The following KCNA6 variants were observed in gnomAD, a reference collection of about 807,000 sequenced individuals.
KCNA6 encodes human brain potassium channel-2.
Under a neutral mutation model 29.5 loss-of-function variants are expected in KCNA6, and 17 were observed. That is an observed-to-expected ratio of 0.58 (90% CI 0.39 to 0.86). The LOEUF is 0.86. Ranked by LOEUF, KCNA6 falls within the 40% of genes least tolerant of loss-of-function variation. The pLI is 0.00. For synonymous variants in KCNA6, 296 were observed against 304.7 expected, an observed-to-expected ratio of 0.97 and a Z score of 0.30; for missense variants, 450 against 703.4, an observed-to-expected ratio of 0.64 and a Z score of 4.07.
the KCNA6 span, among the ~76,000 whole-genome samples, chr12:4,837,288 A>G: frequency 6.6e-6 from 1 of 151,862 alleles, no homozygotes; most frequent in Non-Finnish European, 1.5e-5. Flanking sequence ...TGCCCTGTAC[A>G]TCTCTTCATC....
chr12:4,831,645 G>A, the KCNA6 span, among the ~76,000 whole-genome samples: 1 of 152,144 alleles, frequency 6.6e-6, no homozygotes, highest in Admixed American at 6.5e-5. Context: ...AAGGCCACGT[G>A]GCTACTATGA....
At chr12:4,825,043 A>G in the KCNA6 span, among the ~76,000 whole-genome samples, 3 of 152,234 alleles carry the variant, frequency 2.0e-5, no homozygotes, top group Admixed American at 2.0e-4. Flanking sequence ...CCAGAGAAAG[A>G]GAATCCATAA....
chr12:4,840,748 C>T, the KCNA6 span, among the ~76,000 whole-genome samples: 10 of 152,312 alleles, frequency 6.6e-5, no homozygotes, highest in South Asian at 6.2e-4. Flanking sequence ...GCTGATGTGG[C>T]ATAGCCCAAG....
the KCNA6 span, among the ~76,000 whole-genome samples, chr12:4,823,337 C>T: frequency 1.3e-5 from 2 of 150,754 alleles, no homozygotes. Flanking sequence ...CTTCTTCCAG[C>T]GGAAGGAAGA....
chr12:4,828,219 G>A, the KCNA6 span, among the ~76,000 whole-genome samples: 8 of 152,084 alleles, frequency 5.3e-5, no homozygotes, highest in Non-Finnish European at 7.3e-5. Context: ...GACACTCAGT[G>A]TTGGAACTTG....
the KCNA6 span, among the ~76,000 whole-genome samples, chr12:4,832,754 G>T: frequency 2.0e-5 from 3 of 152,070 alleles, no homozygotes; most frequent in African/African-American, 7.2e-5. Flanking sequence ...CTCATGACTC[G>T]AAATCCTAAA....
At chr12:4,840,092 A>G in the KCNA6 span, among the ~76,000 whole-genome samples, 1 of 152,210 alleles carries the variant, frequency 6.6e-6, no homozygotes, top group African/African-American at 2.4e-5. Context: ...GATAAACTCT[A>G]TATGAAAGGG....
chr12:4,811,012 C>T lies in KCNA6; in HGVS notation c.971C>T (p.Ala324Val). 4.3e-6 allele frequency: 7 copies of T among 1,614,262 alleles called. No homozygotes were observed. The highest frequency in any genetic ancestry group is 5.1e-6 in the Non-Finnish European group (6 of 1,180,052). Reference sequence around the variant, plus strand: ...GTGCAGCAGCAGGAGCAGCAACCAGCCAGTGGAGGAGGCGGCCAGAATGGG... The same window carrying T: ...GTGCAGCAGCAGGAGCAGCAACCAGTCAGTGGAGGAGGCGGCCAGAATGGG... The change falls in exon 1 of 1, where the codon GCC (alanine) becomes GTC (valine). Residue 324 changes from alanine to valine, a missense_variant. Physicochemically the swap from Ala to Val is moderately conservative, Grantham distance 64. Transcript: ENST00000280684. The surrounding 1 kb of genome is among the most constrained non-coding windows in gnomAD (Gnocchi z 7.1).
the KCNA6 span, among the ~76,000 whole-genome samples, chr12:4,828,614 A>G: frequency 5.3e-5 from 8 of 152,234 alleles, no homozygotes; most frequent in Non-Finnish European, 8.8e-5. Flanking sequence ...CTCACATAGC[A>G]TCTTGTTTGC....
the KCNA6 span, among the ~76,000 whole-genome samples, chr12:4,835,424 A>G: frequency 1.1e-4 from 16 of 152,166 alleles, no homozygotes; most frequent in Non-Finnish European, 1.5e-4. Flanking sequence ...TTGAGCCACC[A>G]CACCTGGCCA....
Position 4,811,970 on chromosome 12 carries a change from A to C in KCNA6, c.*339A>C. On this transcript the variant is annotated 3_prime_UTR_variant, in exon 1 of 1. Transcript: ENST00000280684. The surrounding 1 kb of genome is among the most constrained non-coding windows in gnomAD (Gnocchi z 7.1). ...ACTTACAATATCTCAAGGAACAGCA[A>C]TGTCAACAGGATGGAAACCAGCCCT... 1.1e-5 allele frequency: 3 copies of C among 265,264 alleles called. No individual in the cohort carries two copies. Among genetic ancestry groups the C allele is most frequent in the South Asian group, 8.2e-5 (1 of 12,254 alleles). The allele number at this position is 265,264 out of a possible 1,614,324, so 16.4% of individuals were successfully genotyped here. A position where few individuals can be genotyped will look rare whatever the true frequency, so the allele number is the denominator to read the frequency against.
At position 4,810,453 on chromosome 12, in the gene KCNA6, G is replaced by T; in HGVS notation, c.412G>T (p.Glu138Ter). The change falls in exon 1 of 1, where the codon GAG becomes TAG. Residue 138 changes from glutamate (E) to a stop codon, truncating the protein, a stop_gained. Transcript: ENST00000280684. LOFTEE classifies it high-confidence loss of function. This position sits in a 1 kb window ranked among gnomAD's most constrained non-coding sequence, Gnocchi z 7.5. ...GGCCCTGGCGGCCTTCCGGGAGGACGAGGGCTGCCTGCCCGAAGGTGGCGA... is the reference window on the plus strand; with the variant it reads ...GGCCCTGGCGGCCTTCCGGGAGGACTAGGGCTGCCTGCCCGAAGGTGGCGA... The T allele has an allele frequency of 3.7e-6, 6 of 1,614,060 alleles. No individual in the cohort carries two copies. The highest frequency in any genetic ancestry group is 5.1e-6 in the Non-Finnish European group (6 of 1,179,992).
chr12:4,813,302 A>G (rs1257244996), exon 1 of KCNA6: 1 of 166,970 alleles, frequency 6.0e-6, no homozygotes, highest in African/African-American at 2.4e-5. Flanking sequence ...TTACCCACCC[A>G]TTAAATGGGA....
the KCNA6 span, among the ~76,000 whole-genome samples, chr12:4,848,531 A>G: frequency 4.2e-5 from 6 of 143,662 alleles, no homozygotes; most frequent in African/African-American, 1.5e-4. Flanking sequence ...AAAAAAATCC[A>G]ACTTTAAAAA....
chr12:4,811,412 C>T lies in KCNA6; in HGVS notation c.1371C>T (p.Ile457=). 6.2e-7 allele frequency: 1 copy of T among 1,614,160 alleles called. No homozygotes were observed. Among genetic ancestry groups the T allele is most frequent in the East Asian group, 2.2e-5 (1 of 44,874 alleles). Reference sequence around the variant, plus strand: ...CCATTGCCCTGCCTGTGCCCGTCATCGTCTCCAACTTCAACTACTTCTACC... The same window carrying T: ...CCATTGCCCTGCCTGTGCCCGTCATTGTCTCCAACTTCAACTACTTCTACC... Residue 457 remains isoleucine, a synonymous_variant, in exon 1 of 1, where the codon ATC becomes ATT. Coordinates refer to ENST00000280684, the Ensembl canonical transcript of KCNA6. The surrounding 1 kb of genome is among the most constrained non-coding windows in gnomAD (Gnocchi z 7.1).
chr12:4,849,428 A>G, the KCNA6 span, among the ~76,000 whole-genome samples: 1 of 147,332 alleles, frequency 6.8e-6, no homozygotes, highest in African/African-American at 2.5e-5. Flanking sequence ...AACTTTGACC[A>G]TTTGCTAAGG....
chr12:4,815,418 A>G (rs964200564), downstream of KCNA6, among the ~76,000 whole-genome samples: 2 of 152,178 alleles, frequency 1.3e-5, no homozygotes, highest in Non-Finnish European at 2.9e-5. Flanking sequence ...AATTTCCTGA[A>G]CCTGCAAGCA....
chr12:4,819,933 A>G, the KCNA6 span, among the ~76,000 whole-genome samples: 1 of 152,248 alleles, frequency 6.6e-6, no homozygotes, highest in African/African-American at 2.4e-5. Context: ...AGAGTTTAGC[A>G]GGAAATAAAC....
the KCNA6 span, among the ~76,000 whole-genome samples, chr12:4,838,569 ATGTC>A: frequency 6.6e-6 from 1 of 152,224 alleles, no homozygotes; most frequent in Non-Finnish European, 1.5e-5. Context: ...AAACTCTGTT[ATGTC>A]TATTTGCTGT....
Sources: allele counts gnomAD v4.1 joint callset (sites outside exome capture counted in the v4.1 genomes callset), GRCh38; gene constraint gnomAD v4.1.1; non-coding constraint Gnocchi (gnomAD v3.1); transcripts MANE v1.5; gene names NCBI Gene and HGNC (gene_info 2026-07-23, HGNC 2026-07-21).